Variants in AMBRA1 observed in about 807,000 individuals in gnomAD.
AMBRA1 encodes activating molecule in BECN1-regulated autophagy protein 1.
In AMBRA1, 47 loss-of-function variants were observed where a neutral mutation model predicts 125.4. The observed-to-expected ratio is 0.37, with a 90% confidence interval of 0.30 to 0.48. AMBRA1 has a LOEUF of 0.48. Ranked by LOEUF, AMBRA1 falls within the 20% of genes least tolerant of loss-of-function variation. The pLI is 0.99. For missense variants in AMBRA1, 1,331 were observed against 1,693.4 expected, an observed-to-expected ratio of 0.79 and a Z score of 3.76; for synonymous variants, 626 against 655.5, an observed-to-expected ratio of 0.95 and a Z score of 0.69.
At chr11:46,593,574 C>T (rs1026685358) in intron 1 of AMBRA1, among the ~76,000 whole-genome samples, 4 of 152,194 alleles carry the variant, frequency 2.6e-5, no homozygotes, top group Admixed American at 2.0e-4. Context: ...TCGCCACACA[C>T]TGGGGGTGCC....
At position 46,492,843 on chromosome 11, in the gene AMBRA1, A is replaced by T. The variant is rs527604694; in HGVS notation, c.2521+765T>A. Among the ~76,000 whole-genome samples the T allele has an allele frequency of 2.0e-5, 3 of 152,306 alleles. No individual in the cohort carries two copies. In the South Asian group the frequency reaches 6.2e-4, roughly 32 times the overall value. Reference sequence around the variant, plus strand: ...GGCAGGCAGATCACGAAGTGAGGAGATTGAGATCATCCTGGCTAACACGTT... The same window carrying T: ...GGCAGGCAGATCACGAAGTGAGGAGTTTGAGATCATCCTGGCTAACACGTT... On this transcript the variant is annotated intron_variant, in intron 11 of 17. Coordinates refer to ENST00000683756, the MANE Select transcript of AMBRA1 (RefSeq NM_001387011.1).
intron 1 of AMBRA1, 143 bp downstream of exon 1, chr11:46,593,685 C>A: frequency 2.8e-6 from 1 of 356,496 alleles, no homozygotes; most frequent in Non-Finnish European, 5.0e-6. Context: ...CCTCCGGCCG[C>A]GCCCCTCAAC....
At position 46,578,569 on chromosome 11, in the gene AMBRA1, T is replaced by C. The variant is rs1162840101; in HGVS notation, c.-121+15259A>G. Among the ~76,000 whole-genome samples the C allele has an allele frequency of 2.0e-5, 3 of 151,132 alleles. No individual in the cohort carries two copies. In the Admixed American group the frequency reaches 2.0e-4, roughly 10 times the overall value. On this transcript the variant is annotated intron_variant, in intron 1 of 17. Transcript: ENST00000683756. Reference sequence around the variant, plus strand: ...ATGGCTAATTAGACTCTGGGCAAAGTATATAAATCACAAACTATTAATAGA... The same window carrying C: ...ATGGCTAATTAGACTCTGGGCAAAGCATATAAATCACAAACTATTAATAGA...
At chr11:46,398,919 A>G (rs1402735956) in intron 17 of AMBRA1, among the ~76,000 whole-genome samples, 4 of 151,416 alleles carry the variant, frequency 2.6e-5, no homozygotes, top group African/African-American at 9.7e-5. Flanking sequence ...GATTACAGGC[A>G]TGCACCATCA....
intron 15 of AMBRA1, among the ~76,000 whole-genome samples, chr11:46,411,101 AAAAAAAAAAAAAAG>A (rs567753122): frequency 3.9e-4 from 57 of 147,762 alleles, no homozygotes; most frequent in South Asian, 3.8e-3. Context: ...CTCTGTCTCA[AAAAAAAAAAAAAAG>A]AAAAAAAAAA....
At chr11:46,525,996 G>A (rs1389092049) in intron 7 of AMBRA1, among the ~76,000 whole-genome samples, 3 of 150,400 alleles carry the variant, frequency 2.0e-5, no homozygotes, top group Admixed American at 6.6e-5. Context: ...ACCTGAGGTC[G>A]GGAGTTCAAG....
chr11:46,408,729 A>G (rs1418537334), intron 16 of AMBRA1, 23 bp from the exon 17 acceptor site: 1 of 1,503,480 alleles, frequency 6.7e-7, no homozygotes, highest in East Asian at 2.4e-5. Context: ...AGGCAGACTA[A>G]AGTCAGATGG....
intron 9 of AMBRA1, among the ~76,000 whole-genome samples, chr11:46,501,571 G>A (rs1169725423): frequency 6.6e-6 from 1 of 152,128 alleles, no homozygotes; most frequent in East Asian, 1.9e-4. Context: ...TAAGTCTCAG[G>A]GCACTGACCA....
intron 9 of AMBRA1, chr11:46,494,462 C>T (rs751515064): frequency 3.2e-5 from 12 of 372,928 alleles, no homozygotes; most frequent in Non-Finnish European, 4.0e-5. Flanking sequence ...GGTCCCTTAG[C>T]GTCTCAAACT....
chr11:46,450,767 A>C (rs887864709), intron 11 of AMBRA1, among the ~76,000 whole-genome samples: 1 of 152,174 alleles, frequency 6.6e-6, no homozygotes, highest in East Asian at 1.9e-4. Context: ...TAAGCAGTAA[A>C]GTTATTTTCT....
chr11:46,483,352 C>T (rs1950146921), intron 11 of AMBRA1, among the ~76,000 whole-genome samples: 1 of 152,198 alleles, frequency 6.6e-6, no homozygotes, highest in Non-Finnish European at 1.5e-5. Flanking sequence ...CATCATGGCT[C>T]ATACAAAGAT....
chr11:46,452,820 T>TCTTCCATGGG (rs1417992722), intron 11 of AMBRA1, among the ~76,000 whole-genome samples: 2 of 152,206 alleles, frequency 1.3e-5, no homozygotes, highest in Non-Finnish European at 2.9e-5. Context: ...CTTCCATGCT[T>TCTTCCATGGG]AGAAGTGTCC....
chr11:46,438,714 T>C (rs1252746297), intron 12 of AMBRA1, among the ~76,000 whole-genome samples: 1 of 152,160 alleles, frequency 6.6e-6, no homozygotes, highest in East Asian at 1.9e-4. Context: ...CCGGGTTTCT[T>C]AAGGCCTATT....
chr11:46,555,558 T>C (rs886700850), intron 1 of AMBRA1, among the ~76,000 whole-genome samples: 6 of 152,158 alleles, frequency 3.9e-5, no homozygotes, highest in African/African-American at 1.4e-4. Flanking sequence ...CACCAAACAA[T>C]AGGGCCAACT....
intron 11 of AMBRA1, among the ~76,000 whole-genome samples, chr11:46,459,519 T>C (rs1949003879): frequency 6.6e-6 from 1 of 152,086 alleles, no homozygotes; most frequent in Non-Finnish European, 1.5e-5. Context: ...GAGACCAGCC[T>C]GGCCAACATG....
intron 7 of AMBRA1, among the ~76,000 whole-genome samples, chr11:46,535,806 G>A (rs1952446958): frequency 6.6e-6 from 1 of 152,192 alleles, no homozygotes; most frequent in Non-Finnish European, 1.5e-5. Context: ...AGGGAAGGCT[G>A]CATATGATGC....
intron 15 of AMBRA1, among the ~76,000 whole-genome samples, chr11:46,414,383 T>TA (rs1389257016): frequency 6.6e-6 from 1 of 152,134 alleles, no homozygotes; most frequent in Non-Finnish European, 1.5e-5. Flanking sequence ...TGACTATAAT[T>TA]ACCATGATTA....
chr11:46,574,152 A>G (rs1446634373), intron 1 of AMBRA1, among the ~76,000 whole-genome samples: 1 of 144,598 alleles, frequency 6.9e-6, no homozygotes, highest in Non-Finnish European at 1.5e-5. Flanking sequence ...TTATAGCAGC[A>G]TGATTTATAG....
chr11:46,461,892 T>C (rs931034526), intron 11 of AMBRA1, among the ~76,000 whole-genome samples: 1 of 152,194 alleles, frequency 6.6e-6, no homozygotes, highest in East Asian at 1.9e-4. Context: ...AGCATTTCTC[T>C]TCAATGCCAT....
Sources: allele counts gnomAD v4.1 joint callset (sites outside exome capture counted in the v4.1 genomes callset), GRCh38; gene constraint gnomAD v4.1.1; transcripts MANE v1.5; gene names NCBI Gene and HGNC (gene_info 2026-07-23, HGNC 2026-07-21).